Variants in HAAO observed in about 807,000 individuals in gnomAD.
HAAO encodes 3-hydroxyanthranilate oxygenase.
HAAO carries 49 observed loss-of-function variants against 46.2 expected under a neutral mutation model. The observed-to-expected ratio is 1.06, with a 90% CI of 0.84 to 1.34. HAAO has a LOEUF of 1.34. Among genes scored for constraint, HAAO ranks in the 40% most tolerant of loss-of-function variants. The probability of loss-of-function intolerance (pLI) is 0.00; values close to 1 mark genes in which losing one functional copy is unlikely to be tolerated. For synonymous variants in HAAO, 157 were observed against 145.2 expected, an observed-to-expected ratio of 1.08 and a Z score of -0.58; for missense variants, 408 against 364.5, an observed-to-expected ratio of 1.12 and a Z score of -0.97.
rs1250083647 is a variant in HAAO, at chr2:42,769,706, A to G, written c.630+7T>C. On this transcript the variant is annotated splice_region_variant and intron_variant, in intron 7 of 9. Coordinates refer to ENST00000294973, the MANE Select transcript of HAAO (RefSeq NM_012205.3). Reference sequence around the variant, plus strand: ...AGGATGCCCCGGATGCCCCAGGACTACATTACCTGGGTCTCATAGGTGTCC... The same window carrying G: ...AGGATGCCCCGGATGCCCCAGGACTGCATTACCTGGGTCTCATAGGTGTCC... 3 of 1,604,890 alleles carry G rather than the reference A, an allele frequency of 1.9e-6. No homozygotes were observed. The highest frequency in any genetic ancestry group is 2.2e-5 in the South Asian group (2 of 89,626).
At chr2:42,782,561 G>A (rs1421701221) in intron 4 of HAAO, among the ~76,000 whole-genome samples, 1 of 152,160 alleles carries the variant, frequency 6.6e-6, no homozygotes, top group Non-Finnish European at 1.5e-5. Context: ...AAGAAAAGGG[G>A]GAAATGTGAA....
chr2:42,783,619 C>T (rs890917842), intron 3 of HAAO, among the ~76,000 whole-genome samples, 165 bp downstream of exon 3: 3 of 152,120 alleles, frequency 2.0e-5, no homozygotes, highest in Non-Finnish European at 4.4e-5. Flanking sequence ...ATGGGGCAGC[C>T]TGGAAGAGGA....
chr2:42,788,469 C>G, intron 2 of HAAO, 60 bp downstream of exon 2: 4 of 1,077,926 alleles, frequency 3.7e-6, no homozygotes, highest in Non-Finnish European at 5.8e-6. Flanking sequence ...AGCGCCCCCT[C>G]CCGCTAGGGC....
chr2:42,782,589 C>T (rs1672081759), intron 4 of HAAO, among the ~76,000 whole-genome samples: 2 of 152,140 alleles, frequency 1.3e-5, no homozygotes, highest in Admixed American at 1.3e-4. Flanking sequence ...TATCTTGGGC[C>T]CCCAAAATCA....
chr2:42,788,922 C>G, intron 1 of HAAO: 1 of 369,558 alleles, frequency 2.7e-6, no homozygotes, highest in South Asian at 3.0e-5. Flanking sequence ...GGATCAAGAT[C>G]TCGAATTACA....
intron 4 of HAAO, among the ~76,000 whole-genome samples, chr2:42,779,642 T>C (rs1380761331): frequency 6.6e-6 from 1 of 152,230 alleles, no homozygotes; most frequent in Admixed American, 6.5e-5. Context: ...TATTAGAGCT[T>C]ATTGTTTGGA....
Position 42,767,648 on chromosome 2 carries a change from T to TC in HAAO, c.728dup (p.Arg244ThrfsTer8). ...CATCAGGGGCCAGGCTCAGGCGCCG[T>TC]CCCCCCATTGTCACCACCGAGGAGC... On this transcript the variant is annotated frameshift_variant, in exon 9 of 10. Coordinates refer to ENST00000294973, the MANE Select transcript of HAAO (RefSeq NM_012205.3). LOFTEE classifies it high-confidence loss of function. The TC allele has an allele frequency of 1.3e-6, 2 of 1,567,806 alleles. No individual in the cohort carries two copies. Among genetic ancestry groups the TC allele is most frequent in the Non-Finnish European group, 1.7e-6 (2 of 1,155,776 alleles).
In HAAO at chr2:42,783,727, G is replaced by A. The variant is rs1672180490; in HGVS notation, c.243+57C>T. On this transcript the variant is annotated intron_variant, in intron 3 of 9. Coordinates refer to ENST00000294973, the MANE Select transcript of HAAO (RefSeq NM_012205.3). ...GCCAGGGCCAGGATGAGTGGACAGGGCGGATTCCAGCTGTGGCCGCCTTTC... is the reference window on the plus strand; with the variant it reads ...GCCAGGGCCAGGATGAGTGGACAGGACGGATTCCAGCTGTGGCCGCCTTTC... The A allele has an allele frequency of 3.5e-6, 5 of 1,443,486 alleles. No homozygotes were observed. In the Admixed American group the frequency reaches 7.3e-5, roughly 21 times the overall value. 89.4% of individuals were successfully genotyped at this position (1,443,486 alleles called of 1,614,324 possible). A position where few individuals can be genotyped will look rare whatever the true frequency, so the allele number is the denominator to read the frequency against.
intron 4 of HAAO, among the ~76,000 whole-genome samples, chr2:42,771,899 A>G (rs1671156857): frequency 6.6e-6 from 1 of 152,256 alleles, no homozygotes; most frequent in African/African-American, 2.4e-5. Context: ...GCCACCAGAA[A>G]GCTTCATAAC....
intron 4 of HAAO, among the ~76,000 whole-genome samples, chr2:42,777,010 C>T (rs1671630232): frequency 6.6e-6 from 1 of 151,514 alleles, no homozygotes; most frequent in Non-Finnish European, 1.5e-5. Flanking sequence ...TATCAAGAAT[C>T]TGAAAGTCTG....
At chr2:42,769,917 T>G in intron 6 of HAAO, 59 bp from the exon 7 acceptor site, 1 of 1,535,524 alleles carries the variant, frequency 6.5e-7, no homozygotes, top group Middle Eastern at 2.3e-4. Flanking sequence ...CCAGCCCCAG[T>G]GGGCCCAGTT....
At position 42,767,589 on chromosome 2, in the gene HAAO, A is replaced by T; in HGVS notation, c.782+6T>A. Reference sequence around the variant, plus strand: ...ATCCCAGGGAAAGCCCTCCCTGCGTACTCACGAGGTCCCAGCTAGCACCAG... The same window carrying T: ...ATCCCAGGGAAAGCCCTCCCTGCGTTCTCACGAGGTCCCAGCTAGCACCAG... On this transcript the variant is annotated splice_donor_region_variant and intron_variant, in intron 9 of 9. Transcript: ENST00000294973. 1.3e-6 allele frequency: 2 copies of T among 1,578,082 alleles called. No individual in the cohort carries two copies. Among genetic ancestry groups the T allele is most frequent in the Non-Finnish European group, 1.7e-6 (2 of 1,161,170 alleles).
chr2:42,783,199 CA>C, intron 4 of HAAO, 114 bp downstream of exon 4: 3 of 650,708 alleles, frequency 4.6e-6, no homozygotes, highest in Non-Finnish European at 8.2e-6. Flanking sequence ...CCTGCCCACT[CA>C]GTGGCCAGGA....
chr2:42,788,233 C>A (rs543153888), intron 2 of HAAO, among the ~76,000 whole-genome samples: 1 of 152,314 alleles, frequency 6.6e-6, no homozygotes, highest in East Asian at 1.9e-4. Context: ...ACATGGCCAG[C>A]CCCTATATCC....
rs1672152382 is a variant in HAAO, at chr2:42,783,363, C to G, written c.301G>C (p.Gly101Arg). 1 of 1,613,468 alleles carries G rather than the reference C, an allele frequency of 6.2e-7. No individual in the cohort carries two copies. The highest frequency in any genetic ancestry group is 8.5e-7 in the Non-Finnish European group (1 of 1,179,768). The change falls in exon 4 of 10, where the codon GGG (glycine) becomes CGG (arginine). Residue 101 changes from glycine to arginine, a missense_variant. Physicochemically the swap from Gly to Arg is moderately radical, Grantham distance 125 (BLOSUM62 -2). Transcript: ENST00000294973. ...HSPQRFANTVGLVVERRRLET... is the reference protein window; with the variant it reads ...HSPQRFANTVRLVVERRRLET... ...AGCCGCCTTCGCTCAACCACCAGCC[C>G]CACGGTGTTGGCAAACCTCTGTGGT...
In HAAO at chr2:42,783,342, G is replaced by A. The variant is rs753918516; in HGVS notation, c.322C>T (p.Arg108Trp). 125 of 1,611,894 alleles carry A rather than the reference G, an allele frequency of 7.8e-5. No individual in the cohort carries two copies. The highest frequency in any genetic ancestry group is 1.3e-4 in the East Asian group (6 of 44,862). ...NTVGLVVERR[R>W]LETELDGLRY... ...AGCCCATCTAGCTCGGTCTCCAGCC[G>A]CCTTCGCTCAACCACCAGCCCCACG... Residue 108 changes from arginine to tryptophan, a missense_variant, in exon 4 of 10, where the codon CGG becomes TGG. Arg to Trp is a moderately radical substitution (Grantham distance 101, BLOSUM62 -3). Coordinates refer to ENST00000294973, the MANE Select transcript of HAAO (RefSeq NM_012205.3).
At chr2:42,787,683 G>C (rs1474191592) in intron 2 of HAAO, among the ~76,000 whole-genome samples, 2 of 152,098 alleles carry the variant, frequency 1.3e-5, no homozygotes, top group East Asian at 3.9e-4. Context: ...CTGTGGCCTG[G>C]ATGCCCTCAG....
intron 4 of HAAO, among the ~76,000 whole-genome samples, chr2:42,773,303 C>T (rs563205080): frequency 6.6e-6 from 1 of 152,272 alleles, no homozygotes; most frequent in East Asian, 1.9e-4. Context: ...AGGCATCTGG[C>T]ACATAGCAAG....
At chr2:42,783,636 G>A in intron 3 of HAAO, 148 bp downstream of exon 3, 2 of 728,982 alleles carry the variant, frequency 2.7e-6, no homozygotes, top group South Asian at 1.7e-5. Flanking sequence ...AGGAAGGATG[G>A]GGAAGGGGCA....
Sources: allele counts gnomAD v4.1 joint callset (sites outside exome capture counted in the v4.1 genomes callset), GRCh38; gene constraint gnomAD v4.1.1; transcripts MANE v1.5; gene names NCBI Gene and HGNC (gene_info 2026-07-23, HGNC 2026-07-21).